Variants in ZBTB44 observed in about 807,000 individuals in gnomAD.
The protein encoded by ZBTB44 is zinc finger and BTB domain-containing protein 44.
Under a neutral mutation model 54.0 loss-of-function variants are expected in ZBTB44, and 15 were observed. The observed-to-expected ratio is 0.28, with a 90% confidence interval of 0.19 to 0.43. The LOEUF (loss-of-function observed/expected upper bound fraction) is 0.43, where lower values mean the gene tolerates loss of function less well. Ranked by LOEUF, ZBTB44 falls within the 20% of genes least tolerant of loss-of-function variation. The pLI is 1.00. For missense variants in ZBTB44, 487 were observed against 707.1 expected (o/e 0.69, Z 3.53); for synonymous variants, 230 against 250.1 (o/e 0.92, Z 0.76).
At chr11:130,264,156 T>C (rs893109667) in intron 1 of ZBTB44, among the ~76,000 whole-genome samples, 2 of 152,162 alleles carry the variant, frequency 1.3e-5, no homozygotes, top group African/African-American at 2.4e-5. Context: ...ACAACACACC[T>C]CATAGAGTTC....
At chr11:130,279,660 AAACCAACCAACC>A (rs112723247) in intron 1 of ZBTB44, among the ~76,000 whole-genome samples, 75 of 151,790 alleles carry the variant, frequency 4.9e-4, no homozygotes, top group Admixed American at 1.0e-3. Context: ...CTCTGTCTCA[AAACCAACCAACC>A]AACCAACCAA....
At chr11:130,291,220 C>T (rs1941287299) in intron 1 of ZBTB44, among the ~76,000 whole-genome samples, 1 of 151,774 alleles carries the variant, frequency 6.6e-6, no homozygotes, top group African/African-American at 2.4e-5. Flanking sequence ...ATTGCTTGAA[C>T]CTCTGCCTCC....
Position 130,261,147 on chromosome 11 carries a change from C to T in ZBTB44, c.727G>A (p.Glu243Lys), listed in dbSNP as rs1221640049. The change falls in exon 2 of 8, where the codon GAG becomes AAG. Residue 243 changes from glutamate to lysine, a missense_variant. Glu to Lys is a moderately conservative substitution (Grantham distance 56). Around this residue, in one of 3 missense-constraint regions of ZBTB44, gnomAD observed 277 missense variants for 306.5 expected, o/e 0.90. Transcript: ENST00000357899. This position sits in a 1 kb window ranked among gnomAD's most constrained non-coding sequence, Gnocchi z 4.8. ...GTATTTTCTGCTTGCTTAACTTTCT[C>T]AGGCTGAATCCTTCGATCAATTCCA... is the stretch of plus-strand genomic sequence containing the variant. ...PFGIDRRIQP[E>K]KVKQAENTRT... 6.2e-7 allele frequency: 1 copy of T among 1,613,860 alleles called. No homozygotes were observed. The highest frequency in any genetic ancestry group is 1.3e-5 in the African/African-American group (1 of 74,920).
In ZBTB44 at chr11:130,313,709, T is replaced by C. The variant is rs572835576; in HGVS notation, c.-57+666A>G. 2.0e-5 allele frequency among the ~76,000 whole-genome samples: 3 copies of C among 152,318 alleles called. No individual in the cohort carries two copies. The South Asian group carries it at 6.2e-4, about 32-fold the overall frequency. On this transcript the variant is annotated intron_variant, in intron 1 of 7. Coordinates refer to ENST00000357899, the MANE Select transcript of ZBTB44 (RefSeq NM_001301098.2). ...AGAAATTAAGTTTTTGTCTTCATTT[T>C]TGTAAGTTCCAAAAAAAAGCACACA... is the stretch of plus-strand genomic sequence containing the variant.
chr11:130,289,681 C>T (rs1025229020), intron 1 of ZBTB44, among the ~76,000 whole-genome samples: 3 of 151,876 alleles, frequency 2.0e-5, no homozygotes, highest in Admixed American at 2.0e-4. Context: ...TTGTGGGGAT[C>T]GTTTTGTTAC....
At chr11:130,257,879 A>G (rs1323177410) in intron 2 of ZBTB44, among the ~76,000 whole-genome samples, 1 of 151,968 alleles carries the variant, frequency 6.6e-6, no homozygotes, top group Non-Finnish European at 1.5e-5. Flanking sequence ...TGTTTTTCCT[A>G]TTGAGATTGA....
intron 1 of ZBTB44, chr11:130,295,653 A>G: frequency 8.4e-7 from 1 of 1,191,774 alleles, no homozygotes; most frequent in Non-Finnish European, 1.2e-6. Flanking sequence ...GGGTTTTACC[A>G]ACATGACTGA....
rs1287765862 is a variant in ZBTB44 at position 130,314,799 on chromosome 11, GGGGAGGGGAGGGGGAGGTT to G, written c.-500_-482del. 1.5e-5 allele frequency: 2 copies of G among 133,158 alleles called. No homozygotes were observed. Among genetic ancestry groups the G allele is most frequent in the Admixed American group, 1.5e-4 (2 of 13,634 alleles). The allele number at this position is 133,158 out of a possible 1,614,324, so 8.2% of individuals were successfully genotyped here. On this transcript the variant is annotated 5_prime_UTR_variant, in exon 1 of 8. Transcript: ENST00000357899. The stretch of plus-strand genomic sequence containing the variant: ...GGGTGGGGAAGGGGAAGGGGACTGA[GGGGAGGGGAGGGGGAGGTT>G]GGGAGGGAGCCGCCGCCGCGCGCGT...
intron 7 of ZBTB44, chr11:130,233,081 C>A: frequency 4.7e-6 from 2 of 427,102 alleles, no homozygotes; most frequent in Non-Finnish European, 8.2e-6. Flanking sequence ...ACAATGAAAA[C>A]ATCCCCAACA....
chr11:130,251,115 C>G (rs1362190834), intron 2 of ZBTB44, among the ~76,000 whole-genome samples: 1 of 152,008 alleles, frequency 6.6e-6, no homozygotes, highest in Non-Finnish European at 1.5e-5. Context: ...CCTGACAGAG[C>G]TAAAAAACAC....
At chr11:130,256,399 T>G (rs1195018815) in intron 2 of ZBTB44, among the ~76,000 whole-genome samples, 1 of 152,164 alleles carries the variant, frequency 6.6e-6, no homozygotes, top group African/African-American at 2.4e-5. Flanking sequence ...ACACCCTGGC[T>G]GGGCGTGGTG....
chr11:130,249,417 T>C (rs1318367215), intron 2 of ZBTB44, among the ~76,000 whole-genome samples: 1 of 152,218 alleles, frequency 6.6e-6, no homozygotes, highest in Non-Finnish European at 1.5e-5. Flanking sequence ...TCTTCACAAC[T>C]ATTTTGACCC....
chr11:130,286,402 T>G (rs1006310089), intron 1 of ZBTB44, among the ~76,000 whole-genome samples: 2 of 152,222 alleles, frequency 1.3e-5, no homozygotes, highest in Non-Finnish European at 2.9e-5. Context: ...TTGAATAGTC[T>G]CTGAAACTTA....
At chr11:130,244,732 A>G (rs1273495301) in intron 2 of ZBTB44, among the ~76,000 whole-genome samples, 1 of 151,858 alleles carries the variant, frequency 6.6e-6, no homozygotes, top group Non-Finnish European at 1.5e-5. Context: ...CACTACATAC[A>G]TGTGAACATT....
At chr11:130,247,505 G>C (rs1167504239) in intron 2 of ZBTB44, among the ~76,000 whole-genome samples, 6 of 152,176 alleles carry the variant, frequency 3.9e-5, no homozygotes. Flanking sequence ...GCTCCTTGGT[G>C]AAACTGTTTT....
intron 5 of ZBTB44, 102 bp downstream of exon 5, chr11:130,236,691 T>G (rs1954124644): frequency 2.5e-6 from 3 of 1,207,722 alleles, no homozygotes; most frequent in Admixed American, 3.8e-5. Context: ...TGTGACTGAC[T>G]AGCTGGCAAC....
intron 2 of ZBTB44, among the ~76,000 whole-genome samples, chr11:130,259,495 C>T (rs747646190): frequency 2.0e-5 from 3 of 152,206 alleles, no homozygotes; most frequent in South Asian, 2.1e-4. Flanking sequence ...TATAAAGACA[C>T]ATGCGCACAT....
At chr11:130,283,811 CA>C (rs1041385620) in intron 1 of ZBTB44, among the ~76,000 whole-genome samples, 2 of 149,072 alleles carry the variant, frequency 1.3e-5, no homozygotes, top group Non-Finnish European at 3.0e-5. Flanking sequence ...ACTAAAAATA[CA>C]AAAAAAAATT....
At chr11:130,282,394 T>C (rs1940601001) in intron 1 of ZBTB44, among the ~76,000 whole-genome samples, 1 of 152,202 alleles carries the variant, frequency 6.6e-6, no homozygotes. Context: ...AGTGGAAGCA[T>C]TCAATATTTG....
Sources: gnomAD v4.1 joint callset for allele counts (sites outside exome capture counted in the v4.1 genomes callset) on GRCh38, gnomAD v4.1.1 for gene constraint, gnomAD v4.1.1 regional missense constraint, Gnocchi (gnomAD v3.1) non-coding constraint, MANE v1.5 for transcripts, NCBI Gene and HGNC (gene_info 2026-07-23, HGNC 2026-07-21) for gene names.